Variants in MED13 observed in about 807,000 individuals in gnomAD.
The protein encoded by MED13 is mediator complex subunit 13, also known as mediator of RNA polymerase II transcription subunit 13.
In MED13, 23 loss-of-function variants were observed where a neutral mutation model predicts 225.2. The observed-to-expected ratio is 0.10, with a 90% CI of 0.07 to 0.14. The LOEUF (loss-of-function observed/expected upper bound fraction) is 0.14, where lower values mean the gene tolerates loss of function less well. MED13 is among the 10% of genes least tolerant of loss of function. MED13 has a pLI of 1.00. For missense variants in MED13, 2,197 were observed against 2,594.5 expected, an observed-to-expected ratio of 0.85 and a Z score of 3.33; for synonymous variants, 942 against 889.2, an observed-to-expected ratio of 1.06 and a Z score of -1.06.
chr17:62,036,546 T>C (rs2080805409), intron 3 of MED13, among the ~76,000 whole-genome samples: 1 of 152,230 alleles, frequency 6.6e-6, no homozygotes, highest in South Asian at 2.1e-4. Flanking sequence ...TAAAAGTTTT[T>C]TAAACTATGA....
intron 25 of MED13, 34 bp downstream of exon 25, chr17:61,955,646 G>A (rs541514045): frequency 1.9e-6 from 3 of 1,573,412 alleles, no homozygotes; most frequent in African/African-American, 2.8e-5. Context: ...ACTGCATAAA[G>A]AATTAAATCT....
intron 23 of MED13, among the ~76,000 whole-genome samples, chr17:61,960,090 C>G (rs927506232): frequency 1.3e-5 from 2 of 152,022 alleles, no homozygotes; most frequent in African/African-American, 4.8e-5. Flanking sequence ...TCCTGTACAG[C>G]GTTCACTAGC....
chr17:62,034,121 T>A, intron 4 of MED13, 137 bp from the exon 5 acceptor site: 1 of 691,042 alleles, frequency 1.4e-6, no homozygotes, highest in Non-Finnish European at 2.4e-6. Flanking sequence ...CAGAGAAAAA[T>A]CAACTTATTA....
intron 3 of MED13, among the ~76,000 whole-genome samples, chr17:62,038,719 A>AAT (rs1296101995): frequency 3.3e-5 from 5 of 152,168 alleles, no homozygotes; most frequent in African/African-American, 1.2e-4. Context: ...ACTGGAGTGC[A>AAT]GTGATACAAT....
rs537458098 is a variant in MED13, at chr17:61,944,063, T to C, written c.*2405A>G. The C allele has an allele frequency of 3.3e-5, 5 of 152,584 alleles. No homozygotes were observed. The highest frequency in any genetic ancestry group is 4.8e-5 in the African/African-American group (2 of 41,448). 9.5% of individuals were successfully genotyped at this position (152,584 alleles called of 1,614,324 possible). On this transcript the variant is annotated 3_prime_UTR_variant, in exon 30 of 30. Coordinates refer to ENST00000397786, the MANE Select transcript of MED13 (RefSeq NM_005121.3). ...GTTATTTAATAACTTTCCATTGAGT[T>C]TGAATGGATATATGAAGGGAAGAAA...
chr17:61,949,084 T>C (rs1189931501), intron 28 of MED13, among the ~76,000 whole-genome samples: 9 of 148,640 alleles, frequency 6.1e-5, no homozygotes, highest in Non-Finnish European at 1.0e-4. Flanking sequence ...CGAGACTCCG[T>C]CTCAAAAAAA....
At chr17:62,053,296 T>C (rs1057113115) in intron 2 of MED13, among the ~76,000 whole-genome samples, 1 of 152,218 alleles carries the variant, frequency 6.6e-6, no homozygotes, top group Non-Finnish European at 1.5e-5. Context: ...ATGATTATTA[T>C]TCAGTACAGG....
At chr17:62,018,827 G>C (rs2080608690) in intron 8 of MED13, among the ~76,000 whole-genome samples, 1 of 152,114 alleles carries the variant, frequency 6.6e-6, no homozygotes, top group South Asian at 2.1e-4. Context: ...GAGGGTTCTA[G>C]AATATCGATC....
chr17:61,951,033 C>T (rs751709028), intron 27 of MED13, 35 bp from the exon 28 acceptor site: 11 of 1,539,860 alleles, frequency 7.1e-6, no homozygotes, highest in Non-Finnish European at 9.8e-6. Context: ...TATTAGTTCA[C>T]TCAGTGTAAC....
At chr17:62,028,241 G>A (rs1198158358) in intron 8 of MED13, among the ~76,000 whole-genome samples, 1 of 152,200 alleles carries the variant, frequency 6.6e-6, no homozygotes, top group African/African-American at 2.4e-5. Context: ...ATGAGATCAT[G>A]TCATCTGCAG....
chr17:61,952,502 G>A (rs1460278771), intron 27 of MED13, among the ~76,000 whole-genome samples: 1 of 152,128 alleles, frequency 6.6e-6, no homozygotes, highest in Admixed American at 6.5e-5. Context: ...ATGCCAAATG[G>A]TCTAGAAAAT....
intron 9 of MED13, chr17:62,004,401 C>G (rs1043786424): frequency 5.9e-5 from 9 of 152,100 alleles, no homozygotes; most frequent in African/African-American, 2.2e-4. Flanking sequence ...AGAGAAAGAC[C>G]ATAGTTTAGA....
intron 3 of MED13, among the ~76,000 whole-genome samples, chr17:62,049,397 G>C (rs185396259): frequency 3.1e-4 from 47 of 152,258 alleles, no homozygotes; most frequent in African/African-American, 1.1e-3. Context: ...AATATTTCAG[G>C]CTAAGTATTT....
At chr17:62,016,796 G>T (rs1046137164) in intron 8 of MED13, among the ~76,000 whole-genome samples, 1 of 152,140 alleles carries the variant, frequency 6.6e-6, no homozygotes, top group Non-Finnish European at 1.5e-5. Context: ...AACACCTGAG[G>T]TCGGGGGTTC....
chr17:62,065,278 G>GAA, upstream of MED13: 1 of 488,546 alleles, frequency 2.0e-6, no homozygotes, highest in South Asian at 1.8e-5. Context: ...ACCAGAGAGA[G>GAA]AAACACAGAC....
intron 15 of MED13, 41 bp downstream of exon 15, chr17:61,984,130 G>A (rs755715537): frequency 3.8e-6 from 5 of 1,329,844 alleles, no homozygotes; most frequent in Non-Finnish European, 4.9e-6. Context: ...AATTAAAGCT[G>A]TATAAGCAGT....
intron 17 of MED13, among the ~76,000 whole-genome samples, chr17:61,971,233 C>A (rs750338899): frequency 6.6e-6 from 1 of 150,744 alleles, no homozygotes; most frequent in Non-Finnish European, 1.5e-5. Flanking sequence ...GAAATGATCT[C>A]CAAAATCAGT....
rs142589335 is a variant in MED13, at chr17:62,017,446, T to C, written c.1284-6213A>G. Among the ~76,000 whole-genome samples the C allele has an allele frequency of 5.4e-3, 821 of 152,268 alleles. 7 individuals carry two copies. Among genetic ancestry groups the C allele is most frequent in the African/African-American group, 0.019 (784 of 41,568 alleles). On this transcript the variant is annotated intron_variant, in intron 8 of 29. Transcript: ENST00000397786. ...ATATAAAAAGGAAAAAATAACAGTA[T>C]CATTAACTCATCAATTATTCAAATA...
At chr17:61,972,164 A>G (rs901349673) in intron 17 of MED13, among the ~76,000 whole-genome samples, 4 of 152,194 alleles carry the variant, frequency 2.6e-5, no homozygotes, top group African/African-American at 9.7e-5. Flanking sequence ...GAAAAACTCC[A>G]ATTACGGCCC....
Sources: gnomAD v4.1 joint callset for allele counts (sites outside exome capture counted in the v4.1 genomes callset) on GRCh38, gnomAD v4.1.1 for gene constraint, MANE v1.5 for transcripts, NCBI Gene and HGNC (gene_info 2026-07-23, HGNC 2026-07-21) for gene names.